PFKM: variants seen among roughly 807,000 people sequenced by gnomAD.
PFKM encodes the protein phosphofructokinase, muscle, also known as ATP-dependent 6-phosphofructokinase, muscle type.
In PFKM, 58 loss-of-function variants were observed where a neutral mutation model predicts 95.5. That is an observed-to-expected ratio of 0.61 (90% CI 0.49 to 0.76). The LOEUF is 0.76. Ranked by LOEUF, PFKM falls within the 30% of genes least tolerant of loss-of-function variation. The pLI is 0.00. For missense variants in PFKM, 678 were observed against 1,005.4 expected (o/e 0.67, Z 4.40); for synonymous variants, 336 against 357.2 (o/e 0.94, Z 0.67).
chr12:48,118,463 T>G, upstream of PFKM: 1 of 1,266,748 alleles, frequency 7.9e-7, no homozygotes, highest in Non-Finnish European at 1.1e-6. Flanking sequence ...GTCACTTGCA[T>G]TTGTATTGTT....
At position 48,145,798 on chromosome 12, in the gene PFKM, T is replaced by A; in HGVS notation, c.*90T>A. 7.1e-7 allele frequency: 1 copy of A among 1,400,620 alleles called. No individual in the cohort carries two copies. The highest frequency in any genetic ancestry group is 1.0e-6 in the Non-Finnish European group (1 of 989,594). 86.8% of individuals were successfully genotyped at this position (1,400,620 alleles called of 1,614,324 possible). On this transcript the variant is annotated 3_prime_UTR_variant, in exon 23 of 23. Coordinates refer to ENST00000359794, the MANE Select transcript of PFKM (RefSeq NM_000289.6). This position sits in a 1 kb window ranked among gnomAD's most constrained non-coding sequence, Gnocchi z 4.3. ...ATCTTCTCAGTGTTTTAGCTGTTTTTTTCATTAGGTTTCCTTTTATTCTGT... is the reference window on the plus strand; with the variant it reads ...ATCTTCTCAGTGTTTTAGCTGTTTTATTCATTAGGTTTCCTTTTATTCTGT...
At chr12:48,130,646 T>C (rs73104074) in intron 3 of PFKM, among the ~76,000 whole-genome samples, 1,569 of 152,358 alleles carry the variant, frequency 0.01, 12 homozygotes, top group Non-Finnish European at 0.015. Flanking sequence ...TGGGTCTTCA[T>C]GTTGCCTGTT....
chr12:48,130,636 TG>T (rs1949377023), intron 3 of PFKM, among the ~76,000 whole-genome samples, 200 bp downstream of exon 3: 1 of 152,322 alleles, frequency 6.6e-6, no homozygotes, highest in Non-Finnish European at 1.5e-5. Context: ...ATCTACAAAC[TG>T]GGTCTTCATG....
At chr12:48,139,406 A>G in intron 12 of PFKM, 57 bp downstream of exon 12, 2 of 1,345,608 alleles carry the variant, frequency 1.5e-6, no homozygotes, top group Non-Finnish European at 2.1e-6. Context: ...GAACGAAGCC[A>G]AAGATCTCCA....
intron 3 of PFKM, among the ~76,000 whole-genome samples, chr12:48,113,547 G>A (rs1242555319): frequency 6.6e-6 from 1 of 152,304 alleles, no homozygotes; most frequent in East Asian, 1.9e-4. Context: ...AGGAATCCCG[G>A]GCTGCAGGCA....
chr12:48,113,614 G>A (rs368310186), intron 3 of PFKM, among the ~76,000 whole-genome samples: 7 of 152,208 alleles, frequency 4.6e-5, no homozygotes, highest in African/African-American at 1.4e-4. Context: ...TGGGGGAGGC[G>A]GTCCTGGAGG....
chr12:48,141,321 C>T lies in PFKM; in HGVS notation c.1352C>T (p.Ala451Val). 1 of 1,614,132 alleles carries T rather than the reference C, an allele frequency of 6.2e-7. No individual in the cohort carries two copies. The highest frequency in any genetic ancestry group is 8.5e-7 in the Non-Finnish European group (1 of 1,179,982). ...EGLAKGQIEE[A>V]GWSYVGGWTG... is the part of the protein sequence containing the mutation. ...GGCTTATCCCCACAGATAGAGGAAG[C>T]TGGCTGGAGCTATGTTGGGGGCTGG... The change falls in exon 15 of 23, where the codon GCT becomes GTT. Residue 451 changes from alanine to valine, a missense_variant. Ala to Val is a moderately conservative substitution (Grantham distance 64, BLOSUM62 0). Transcript: ENST00000359794.
rs370424471 is a variant in PFKM at position 48,142,855 on chromosome 12, A to T, written c.1727A>T (p.Tyr576Phe). ...RVFIIETMGG[Y>F]CGYLATMAGL... is the part of the protein sequence containing the mutation. The stretch of plus-strand genomic sequence containing the variant: ...TTTATCATTGAGACTATGGGTGGCT[A>T]CTGTGGCTACCTGGCTACCATGGCT... The change falls in exon 18 of 23, where the codon TAC (tyrosine) becomes TTC (phenylalanine). Residue 576 changes from tyrosine to phenylalanine, a missense_variant. Physicochemically the swap from Tyr to Phe is conservative, Grantham distance 22. Transcript: ENST00000359794. 736 of 1,613,988 alleles carry T rather than the reference A, an allele frequency of 4.6e-4. 1 individual carries two copies. Among genetic ancestry groups the T allele is most frequent in the Non-Finnish European group, 6.1e-4 (718 of 1,179,982 alleles).
chr12:48,142,198 C>A, intron 17 of PFKM, 132 bp downstream of exon 17: 1 of 958,704 alleles, frequency 1.0e-6, no homozygotes, highest in Non-Finnish European at 1.6e-6. Flanking sequence ...TTCAGCTGGG[C>A]ATGGTGGCTC....
Position 48,143,760 on chromosome 12 carries a change from T to A in PFKM, c.1826T>A (p.Val609Asp). Residue 609 changes from valine (V) to aspartate (D), a missense_variant, in exon 19 of 23, where the codon GTT (valine) becomes GAT (aspartate). Transcript: ENST00000359794. The stretch of plus-strand genomic sequence containing the variant: ...TTACTCTTTCATTTTCAGGCAAATG[T>A]TGAACATCTGGTGCAAAAGATGAAA... The part of the protein sequence containing the change: ...PFTIRDLQAN[V>D]EHLVQKMKTT... 1 of 1,613,018 alleles carries A rather than the reference T, an allele frequency of 6.2e-7. No individual in the cohort carries two copies. Among genetic ancestry groups the A allele is most frequent in the Non-Finnish European group, 8.5e-7 (1 of 1,178,958 alleles).
chr12:48,120,910 G>A (rs1948188043), intron 1 of PFKM, among the ~76,000 whole-genome samples: 2 of 152,174 alleles, frequency 1.3e-5, no homozygotes, highest in Admixed American at 1.3e-4. Flanking sequence ...CCAGCACTTT[G>A]GGAGGCAAGG....
upstream of PFKM, chr12:48,118,631 T>C: frequency 1.0e-6 from 1 of 954,836 alleles, no homozygotes; most frequent in Non-Finnish European, 1.6e-6. Flanking sequence ...TGACCCTTTT[T>C]CCAGAGTGGA....
intron 4 of PFKM, 54 bp downstream of exon 4, chr12:48,131,447 A>C: frequency 7.6e-7 from 1 of 1,313,130 alleles, no homozygotes; most frequent in Non-Finnish European, 1.1e-6. Context: ...GTTTCATCCC[A>C]CTCTGTTTTG....
At chr12:48,139,577 A>G in intron 12 of PFKM, 1 of 617,508 alleles carries the variant, frequency 1.6e-6, no homozygotes, top group South Asian at 1.9e-5. Flanking sequence ...TTATTTCTAT[A>G]TGTGAGCCCC....
upstream of PFKM, among the ~76,000 whole-genome samples, chr12:48,117,100 A>T (rs942627122): frequency 6.6e-6 from 1 of 152,156 alleles, no homozygotes; most frequent in Non-Finnish European, 1.5e-5. Flanking sequence ...CCAGACTGTC[A>T]TACAGTTGGA....
In PFKM at chr12:48,133,370, G is replaced by A. The variant is rs199856938; in HGVS notation, c.483G>A (p.Leu161=). The A allele has an allele frequency of 3.1e-6, 5 of 1,613,916 alleles. No homozygotes were observed. In the African/African-American group the frequency reaches 5.3e-5, roughly 17 times the overall value. The change falls in exon 6 of 23, where the codon CTG becomes CTA. Residue 161 remains leucine, a synonymous_variant. Coordinates refer to ENST00000359794, the MANE Select transcript of PFKM (RefSeq NM_000289.6). ...TKSSYLNIVG[L]VGSIDNDFCG... ...CCAGCTACCTGAACATTGTGGGCCT[G>A]GTTGGGTCAATTGACAATGACTTCT... is the stretch of plus-strand genomic sequence containing the variant.
At chr12:48,113,692 C>G (rs1256943791) in intron 3 of PFKM, among the ~76,000 whole-genome samples, 1 of 152,234 alleles carries the variant, frequency 6.6e-6, no homozygotes, top group African/African-American at 2.4e-5. Flanking sequence ...TGGGGTTTCT[C>G]TCACAGTGGA....
chr12:48,120,622 A>G (rs1436526258), intron 1 of PFKM, among the ~76,000 whole-genome samples: 1 of 152,260 alleles, frequency 6.6e-6, no homozygotes, highest in Admixed American at 6.5e-5. Context: ...TTGTAGCACA[A>G]AAACATCCAT....
intron 10 of PFKM, among the ~76,000 whole-genome samples, chr12:48,135,914 ACCATT>A (rs879923023): frequency 0.26 from 36,798 of 140,156 alleles, 4,800 homozygotes; most frequent in Non-Finnish European, 0.31. Flanking sequence ...TTTGAGACGC[ACCATT>A]GCACTCGCTC....
Sources: allele counts gnomAD v4.1 joint callset (sites outside exome capture counted in the v4.1 genomes callset), GRCh38; gene constraint gnomAD v4.1.1; non-coding constraint Gnocchi (gnomAD v3.1); transcripts MANE v1.5; gene names NCBI Gene and HGNC (gene_info 2026-07-23, HGNC 2026-07-21).